The following CALHM3 variants were observed in gnomAD, a reference collection of about 807,000 sequenced individuals.
The protein encoded by CALHM3 is calcium homeostasis modulator 3.
A neutral mutation model predicts 13.6 loss-of-function variants in CALHM3; 9 were observed. The observed-to-expected ratio is 0.66, with a 90% CI of 0.40 to 1.15. The LOEUF (loss-of-function observed/expected upper bound fraction) is 1.15, where lower values mean the gene tolerates loss of function less well. CALHM3 is among the 50% of genes most tolerant of loss of function. The pLI, the probability that CALHM3 is intolerant of heterozygous loss-of-function variation, is 0.01. For synonymous variants in CALHM3, 231 were observed against 213.2 expected (o/e 1.08, Z -0.73); for missense variants, 497 against 463.4 (o/e 1.07, Z -0.67).
At chr10:103,477,865 G>T (rs192236462) in intron 1 of CALHM3, among the ~76,000 whole-genome samples, 3 of 152,138 alleles carry the variant, frequency 2.0e-5, no homozygotes, top group Non-Finnish European at 1.5e-5. Flanking sequence ...GAGCCACCGC[G>T]CCTGGCCCCC....
At chr10:103,476,584 G>C in intron 1 of CALHM3, 35 bp from the exon 2 acceptor site, 1 of 1,548,256 alleles carries the variant, frequency 6.5e-7, no homozygotes, top group East Asian at 2.4e-5. Flanking sequence ...TCAAGGGGCA[G>C]CTGGAAGTCA....
Position 103,478,934 on chromosome 10 carries a change from C to T in CALHM3, c.99G>A (p.Leu33=). Reference sequence around the variant, plus strand: ...GACAGTTGAAGTCAAAGGAGGAGTACAGCTTGACGGTGACCGCAGCCAGCA... The same window carrying T: ...GACAGTTGAAGTCAAAGGAGGAGTATAGCTTGACGGTGACCGCAGCCAGCA... ...CLLLAAVTVK[L]YSSFDFNCPC... Residue 33 remains leucine (L), a synonymous_variant, in exon 1 of 3, where the codon CTG becomes CTA. Transcript: ENST00000369783. 1 of 1,551,762 alleles carries T rather than the reference C, an allele frequency of 6.4e-7. No homozygotes were observed. Among genetic ancestry groups the T allele is most frequent in the Non-Finnish European group, 8.7e-7 (1 of 1,147,002 alleles).
chr10:103,473,433 G>GC lies in CALHM3; in HGVS notation c.814dup (p.Ala272GlyfsTer4). 1 of 1,529,332 alleles carries GC rather than the reference G, an allele frequency of 6.5e-7. No homozygotes were observed. Among genetic ancestry groups the GC allele is most frequent in the Middle Eastern group, 1.7e-4 (1 of 5,898 alleles). The allele number at this position is 1,529,332 out of a possible 1,614,324, so 94.7% of individuals were successfully genotyped here. A position where few individuals can be genotyped will look rare whatever the true frequency, so the allele number is the denominator to read the frequency against. On this transcript the variant is annotated frameshift_variant, in exon 3 of 3. Transcript: ENST00000369783. LOFTEE classifies it low-confidence loss of function (END_TRUNC). ...CAGGCCTTCTGGGGGCTCAGGCACT[G>GC]CGGGGAGCTCGAGTCTCCTGCCTGC...
chr10:103,473,469 C>G lies in CALHM3; in HGVS notation c.779G>C (p.Arg260Pro). The G allele has an allele frequency of 6.5e-7, 1 of 1,546,426 alleles. No homozygotes were observed. Among genetic ancestry groups the G allele is most frequent in the African/African-American group, 1.4e-5 (1 of 73,128 alleles). The part of the protein sequence containing the change: ...MRSELQARGL[R>P]RGNAGRRLEL... ...GAGTCTCCTGCCTGCATTGCCCCGG[C>G]GCAGCCCCCGCGCCTGCAGCTCACT... The change falls in exon 3 of 3, where the codon CGC (arginine) becomes CCC (proline). Residue 260 changes from arginine (R) to proline (P), a missense_variant. Arg to Pro is a moderately radical substitution (Grantham distance 103). Transcript: ENST00000369783.
chr10:103,476,257 G>T (rs1329384788), intron 2 of CALHM3, 37 bp downstream of exon 2: 1 of 1,547,934 alleles, frequency 6.5e-7, no homozygotes, highest in Non-Finnish European at 8.7e-7. Context: ...GGGGATTTGT[G>T]AGGGTGCAAG....
At position 103,473,413 on chromosome 10, in the gene CALHM3, C is replaced by T; in HGVS notation, c.835G>A (p.Gly279Ser). 1 of 1,517,642 alleles carries T rather than the reference C, an allele frequency of 6.6e-7. No individual in the cohort carries two copies. The highest frequency in any genetic ancestry group is 1.3e-5 in the South Asian group (1 of 78,112). The allele number at this position is 1,517,642 out of a possible 1,614,324, so 94.0% of individuals were successfully genotyped here. ...GCCTTCCCACTTCCACTATCCAGGCCTTCTGGGGGCTCAGGCACTGCGGGG... is the reference window on the plus strand; with the variant it reads ...GCCTTCCCACTTCCACTATCCAGGCTTTCTGGGGGCTCAGGCACTGCGGGG... ...ELPAVPEPPE[G>S]LDSGSGKAHL... Residue 279 changes from glycine (G) to serine (S), a missense_variant, in exon 3 of 3, where the codon GGC (glycine) becomes AGC (serine). Physicochemically the swap from Gly to Ser is moderately conservative, Grantham distance 56. Transcript: ENST00000369783.
chr10:103,476,938 G>A (rs1288006404), intron 1 of CALHM3, among the ~76,000 whole-genome samples: 1 of 152,214 alleles, frequency 6.6e-6, no homozygotes, highest in Admixed American at 6.5e-5. Flanking sequence ...TAGGCTGGAA[G>A]CACTGAAAAG....
chr10:103,478,876 G>A lies in CALHM3; in HGVS notation c.157C>T (p.Leu53=), dbSNP rs2033423604. The change falls in exon 1 of 3, where the codon CTG becomes TTG. Residue 53 remains leucine, a synonymous_variant. Transcript: ENST00000369783. The part of the protein sequence containing the change: ...CLVHYNALYG[L]GLLLTPPLAL... ...AGCGGGGGCGTCAGCAGCAGGCCCA[G>A]GCCGTAGAGTGCATTGTAGTGCACC... 1 of 1,551,772 alleles carries A rather than the reference G, an allele frequency of 6.4e-7. No homozygotes were observed. Among genetic ancestry groups the A allele is most frequent in the Non-Finnish European group, 8.7e-7 (1 of 1,147,014 alleles).
rs367936217 is a variant in CALHM3 at position 103,473,276 on chromosome 10, G to T, written c.972C>A (p.Gly324=). 5.0e-5 allele frequency: 73 copies of T among 1,458,502 alleles called. No individual in the cohort carries two copies. In the African/African-American group the frequency reaches 9.6e-4, roughly 19 times the overall value. The allele number at this position is 1,458,502 out of a possible 1,614,324, so 90.3% of individuals were successfully genotyped here. A position where few individuals can be genotyped will look rare whatever the true frequency, so the allele number is the denominator to read the frequency against. ...LAASPGLCGG[G]LSHRAPTLAL... Reference sequence around the variant, plus strand: ...CCAAGGTAGGGGCGCGGTGGCTAAGGCCACCCCCGCAGAGCCCGGGGGATG... The same window carrying T: ...CCAAGGTAGGGGCGCGGTGGCTAAGTCCACCCCCGCAGAGCCCGGGGGATG... The change falls in exon 3 of 3, where the codon GGC becomes GGA. Residue 324 remains glycine (G), a synonymous_variant. Coordinates refer to ENST00000369783, the MANE Select transcript of CALHM3 (RefSeq NM_001129742.2).
chr10:103,479,017 T>C lies in CALHM3; in HGVS notation c.16A>G (p.Met6Val), dbSNP rs1319002089. ...CTTGACTGGAAGTGCTGGAAGAGCA[T>C]GCGGAATTTATCCATGGCTCCAGCC... Reference protein sequence around the residue: MDKFRMLFQHFQSSSE... With the variant: MDKFRVLFQHFQSSSE... The change falls in exon 1 of 3, where the codon ATG becomes GTG. Residue 6 changes from methionine to valine, a missense_variant. Met to Val is a conservative substitution (Grantham distance 21). Transcript: ENST00000369783. 1 of 1,550,642 alleles carries C rather than the reference T, an allele frequency of 6.4e-7. No homozygotes were observed. Among genetic ancestry groups the C allele is most frequent in the Middle Eastern group, 1.7e-4 (1 of 5,984 alleles).
chr10:103,475,242 T>A (rs2033375490), intron 2 of CALHM3, among the ~76,000 whole-genome samples: 1 of 152,204 alleles, frequency 6.6e-6, no homozygotes, highest in South Asian at 2.1e-4. Flanking sequence ...TGAATCCTTA[T>A]CATTTACAGA....
chr10:103,475,565 G>A (rs904440120), intron 2 of CALHM3, among the ~76,000 whole-genome samples: 1 of 152,198 alleles, frequency 6.6e-6, no homozygotes, highest in Admixed American at 6.5e-5. Flanking sequence ...CCATGGCCAC[G>A]GTCACAGTCT....
intron 1 of CALHM3, among the ~76,000 whole-genome samples, chr10:103,478,276 T>C (rs1214873685): frequency 6.6e-6 from 1 of 152,254 alleles, no homozygotes; most frequent in African/African-American, 2.4e-5. Context: ...AGCATAAAAA[T>C]GAACCATTTC....
rs979820266 is a variant in CALHM3 at position 103,478,971 on chromosome 10, C to T, written c.62G>A (p.Gly21Asp). 9 of 1,551,564 alleles carry T rather than the reference C, an allele frequency of 5.8e-6. No homozygotes were observed. Among genetic ancestry groups the T allele is most frequent in the Non-Finnish European group, 7.8e-6 (9 of 1,147,004 alleles). Residue 21 changes from glycine to aspartate, a missense_variant, in exon 1 of 3, where the codon GGC becomes GAC. Coordinates refer to ENST00000369783, the MANE Select transcript of CALHM3 (RefSeq NM_001129742.2). ...GACCGCAGCCAGCAGCAGGCAGATG[C>T]CATTCATCACCGACTCCGAGCTTGA... Reference protein sequence around the residue: ...FQSSSESVMNGICLLLAAVTV... With the variant: ...FQSSSESVMNDICLLLAAVTV...
Position 103,479,192 on chromosome 10 carries a change from C to T in CALHM3, c.-160G>A, listed in dbSNP as rs1055230759. 1 of 807,816 alleles carries T rather than the reference C, an allele frequency of 1.2e-6. No homozygotes were observed. The highest frequency in any genetic ancestry group is 2.9e-5 in the Admixed American group (1 of 34,108). The allele number at this position is 807,816 out of a possible 1,614,324, so 50.0% of individuals were successfully genotyped here. A position where few individuals can be genotyped will look rare whatever the true frequency, so the allele number is the denominator to read the frequency against. On this transcript the variant is annotated 5_prime_UTR_variant, in exon 1 of 3. Transcript: ENST00000369783. The stretch of plus-strand genomic sequence containing the variant: ...GCCAAGGAGGAAGCAGTGCCCAGGC[C>T]CCAGCCCAGGCTCCCGGGATCCAGT...
Position 103,479,138 on chromosome 10 carries a change from TTCTC to T in CALHM3, c.-110_-107del, listed in dbSNP as rs2033428742. Reference sequence around the variant, plus strand: ...GGACGAGCCTGGGATCTGCAAGAGGTTCTCTCTCTGCTTCCAAGGGCCTGAGGGG... The same window carrying T: ...GGACGAGCCTGGGATCTGCAAGAGGTTCTCTGCTTCCAAGGGCCTGAGGGG... On this transcript the variant is annotated 5_prime_UTR_variant, in exon 1 of 3. Coordinates refer to ENST00000369783, the MANE Select transcript of CALHM3 (RefSeq NM_001129742.2). The T allele has an allele frequency of 7.8e-7, 1 of 1,280,346 alleles. No homozygotes were observed. Among genetic ancestry groups the T allele is most frequent in the Non-Finnish European group, 1.1e-6 (1 of 943,642 alleles). 79.3% of individuals were successfully genotyped at this position (1,280,346 alleles called of 1,614,324 possible). A position where few individuals can be genotyped will look rare whatever the true frequency, so the allele number is the denominator to read the frequency against.
chr10:103,478,252 C>G (rs1310253437), intron 1 of CALHM3, among the ~76,000 whole-genome samples: 3 of 152,184 alleles, frequency 2.0e-5, no homozygotes, highest in African/African-American at 7.2e-5. Flanking sequence ...GCTATCCAAA[C>G]CTTGTTGAAC....
At chr10:103,474,331 T>C (rs2133831415) in intron 2 of CALHM3, among the ~76,000 whole-genome samples, 1 of 152,272 alleles carries the variant, frequency 6.6e-6, no homozygotes, top group African/African-American at 2.4e-5. Flanking sequence ...CCATCTGCCA[T>C]CATCTATCCA....
At chr10:103,476,647 T>A in intron 1 of CALHM3, 98 bp from the exon 2 acceptor site, 1 of 1,398,604 alleles carries the variant, frequency 7.1e-7, no homozygotes, top group South Asian at 1.3e-5. Flanking sequence ...CAGGCTGGGT[T>A]ACATCAGACT....
Sources: gnomAD v4.1 joint callset for allele counts (sites outside exome capture counted in the v4.1 genomes callset) on GRCh38, gnomAD v4.1.1 for gene constraint, MANE v1.5 for transcripts, NCBI Gene and HGNC (gene_info 2026-07-23, HGNC 2026-07-21) for gene names.